Variants in ZNF609 observed in about 807,000 individuals in gnomAD.
ZNF609 encodes the protein zinc finger protein 609.
In ZNF609, 11 loss-of-function variants were observed where a neutral mutation model predicts 109.5. The observed-to-expected ratio is 0.10, with a 90% CI of 0.06 to 0.17. ZNF609 has a LOEUF of 0.17. Ranked by LOEUF, ZNF609 falls within the 10% of genes least tolerant of loss-of-function variation. The pLI is 1.00. For synonymous variants in ZNF609, 646 were observed against 662.0 expected (o/e 0.98, Z 0.37); for missense variants, 1,559 against 1,772.4 (o/e 0.88, Z 2.16).
At chr15:64,514,137 T>C (rs1260602231) in intron 2 of ZNF609, among the ~76,000 whole-genome samples, 3 of 151,634 alleles carry the variant, frequency 2.0e-5, no homozygotes, top group African/African-American at 7.3e-5. Context: ...TCTGGCTTCC[T>C]CCAGAGCATA....
chr15:64,516,441 G>A (rs1053699451), intron 2 of ZNF609, among the ~76,000 whole-genome samples: 9 of 152,066 alleles, frequency 5.9e-5, no homozygotes, highest in African/African-American at 1.7e-4. Flanking sequence ...GCACGATCTC[G>A]TCTCACTGCA....
intron 3 of ZNF609, among the ~76,000 whole-genome samples, chr15:64,625,936 TAGAGAGAGAG>T (rs36226491): frequency 0.049 from 3,886 of 79,416 alleles, 99 homozygotes; most frequent in Middle Eastern, 0.082. Flanking sequence ...TATATATATA[TAGAGAGAGAG>T]AGAGAGAGAG....
chr15:64,550,957 T>C (rs1894459127), intron 2 of ZNF609, among the ~76,000 whole-genome samples: 1 of 152,252 alleles, frequency 6.6e-6, no homozygotes. Flanking sequence ...TTATCTATTT[T>C]AACATTTGTT....
intron 2 of ZNF609, among the ~76,000 whole-genome samples, chr15:64,596,098 G>T (rs1454041486): frequency 6.6e-6 from 1 of 152,142 alleles, no homozygotes; most frequent in Non-Finnish European, 1.5e-5. Context: ...TCCATGGTGT[G>T]TCTAGTAATA....
At position 64,680,189 on chromosome 15, in the gene ZNF609, C is replaced by T. The variant is rs1301247326; in HGVS notation, c.3774C>T (p.Ser1258=). Residue 1258 remains serine, a synonymous_variant, in exon 7 of 10, where the codon TCC becomes TCT. Transcript: ENST00000326648. ...GTTTGATTTCTCCTTCCACAGGTTC[C>T]TACCTGCCTTCCAGCTACTCTTTTT... The part of the protein sequence containing the change: ...PAVMMQNYPG[S]YLPSSYSFSP... 5 of 1,613,982 alleles carry T rather than the reference C, an allele frequency of 3.1e-6. No individual in the cohort carries two copies. Among genetic ancestry groups the T allele is most frequent in the African/African-American group, 2.7e-5 (2 of 74,932 alleles).
chr15:64,497,462 G>T (rs73452265), intron 1 of ZNF609, among the ~76,000 whole-genome samples: 2 of 152,004 alleles, frequency 1.3e-5, no homozygotes, highest in Non-Finnish European at 2.9e-5. Context: ...CTTTGACATT[G>T]CTCTGAGGGA....
intron 1 of ZNF609, among the ~76,000 whole-genome samples, chr15:64,463,803 T>C (rs1842538046): frequency 6.6e-6 from 1 of 152,238 alleles, no homozygotes; most frequent in African/African-American, 2.4e-5. Flanking sequence ...TTTCCAACTC[T>C]GTGTCCTAGG....
chr15:64,482,247 T>C (rs1240345998), intron 1 of ZNF609, among the ~76,000 whole-genome samples: 2 of 152,222 alleles, frequency 1.3e-5, no homozygotes, highest in Non-Finnish European at 2.9e-5. Flanking sequence ...TGATGATAGA[T>C]GCTTAACTTT....
At chr15:64,586,694 G>A (rs974892282) in intron 2 of ZNF609, among the ~76,000 whole-genome samples, 1 of 151,918 alleles carries the variant, frequency 6.6e-6, no homozygotes, top group Non-Finnish European at 1.5e-5. Context: ...AGGAAACTGG[G>A]CCCTGGTGCC....
intron 2 of ZNF609, among the ~76,000 whole-genome samples, chr15:64,575,296 T>C (rs1223706370): frequency 6.6e-6 from 1 of 152,080 alleles, no homozygotes; most frequent in African/African-American, 2.4e-5. Flanking sequence ...TGGTGGCACA[T>C]GCCTGTATTC....
At chr15:64,476,397 A>T (rs1893171178) in intron 1 of ZNF609, among the ~76,000 whole-genome samples, 1 of 152,314 alleles carries the variant, frequency 6.6e-6, no homozygotes, top group South Asian at 2.1e-4. Context: ...GGAAAAGTAC[A>T]GCAGGATAAG....
At chr15:64,555,612 A>G (rs574599922) in intron 2 of ZNF609, among the ~76,000 whole-genome samples, 48 of 151,768 alleles carry the variant, frequency 3.2e-4, no homozygotes, top group African/African-American at 1.1e-3. Context: ...AGCCAGATGC[A>G]GTGCTTTACG....
Position 64,622,759 on chromosome 15 carries a change from T to C in ZNF609, c.748-68T>C, listed in dbSNP as rs1450932163. 8.8e-6 allele frequency: 12 copies of C among 1,357,124 alleles called. No homozygotes were observed. The East Asian group carries it at 1.6e-4, about 18-fold the overall frequency. 84.1% of individuals were successfully genotyped at this position (1,357,124 alleles called of 1,614,324 possible). A position where few individuals can be genotyped will look rare whatever the true frequency, so the allele number is the denominator to read the frequency against. On this transcript the variant is annotated intron_variant, in intron 2 of 9. Transcript: ENST00000326648. ...GGAATAGATATAGGACTAGATTAAATACAGAAAAGGTATTTCCTCTAAATG... is the reference window on the plus strand; with the variant it reads ...GGAATAGATATAGGACTAGATTAAACACAGAAAAGGTATTTCCTCTAAATG...
At chr15:64,574,934 A>G (rs900336961) in intron 2 of ZNF609, among the ~76,000 whole-genome samples, 1 of 152,202 alleles carries the variant, frequency 6.6e-6, no homozygotes, top group African/African-American at 2.4e-5. Flanking sequence ...TAAAAGCAGC[A>G]GCTTGCAGAG....
At chr15:64,571,912 T>C (rs898380390) in intron 2 of ZNF609, among the ~76,000 whole-genome samples, 1 of 152,140 alleles carries the variant, frequency 6.6e-6, no homozygotes, top group African/African-American at 2.4e-5. Flanking sequence ...CCTCAAGTGA[T>C]CTCACAAAGT....
chr15:64,529,014 G>T lies in ZNF609; in HGVS notation c.747+28848G>T, dbSNP rs1894014643. The T allele has an allele frequency of 2.7e-6, 4 of 1,504,470 alleles. No individual in the cohort carries two copies. In the Admixed American group the frequency reaches 5.3e-5, roughly 20 times the overall value. 93.2% of individuals were successfully genotyped at this position (1,504,470 alleles called of 1,614,324 possible). On this transcript the variant is annotated intron_variant, in intron 2 of 9. Coordinates refer to ENST00000326648, the MANE Select transcript of ZNF609 (RefSeq NM_015042.2). ...TGAGCTTCCCGTTCAGCTCAGGGAT[G>T]ACCTTACCCACAGGCTTGGCAGCGC...
At chr15:64,576,971 A>ATATATATATGTATATATACACATAC (rs1894972211) in intron 2 of ZNF609, among the ~76,000 whole-genome samples, 1 of 131,554 alleles carries the variant, frequency 7.6e-6, no homozygotes, top group African/African-American at 3.0e-5. Context: ...TATACACATA[A>ATATATATATGTATATATACACATAC]ATATATATAT....
intron 1 of ZNF609, among the ~76,000 whole-genome samples, chr15:64,469,682 G>A (rs677561): frequency 0.96 from 145,503 of 152,092 alleles, 69,834 homozygotes; most frequent in East Asian, 1. Context: ...CCAACTTGCC[G>A]CATATATCTT....
At chr15:64,545,686 C>T (rs1414638353) in intron 2 of ZNF609, among the ~76,000 whole-genome samples, 2 of 152,184 alleles carry the variant, frequency 1.3e-5, no homozygotes, top group Non-Finnish European at 2.9e-5. Context: ...TCCCTGCCCC[C>T]ATTGCAATCA....
Sources: gnomAD v4.1 joint callset for allele counts (sites outside exome capture counted in the v4.1 genomes callset) on GRCh38, gnomAD v4.1.1 for gene constraint, MANE v1.5 for transcripts, NCBI Gene and HGNC (gene_info 2026-07-23, HGNC 2026-07-21) for gene names.